PRR16: variants seen among roughly 807,000 people sequenced by gnomAD.
The protein encoded by PRR16 is proline rich 16, also known as protein Largen.
In PRR16, 6 loss-of-function variants were observed where a neutral mutation model predicts 18.2. That is an observed-to-expected ratio of 0.33 (90% CI 0.18 to 0.65). The LOEUF is 0.65. Ranked by LOEUF, PRR16 falls within the 30% of genes least tolerant of loss-of-function variation. The pLI is 0.74. For synonymous variants in PRR16, 151 were observed against 147.8 expected, an observed-to-expected ratio of 1.02 and a Z score of -0.16; for missense variants, 412 against 376.6, an observed-to-expected ratio of 1.09 and a Z score of -0.78.
At chr5:120,570,150 T>C (rs962419076) in intron 1 of PRR16, among the ~76,000 whole-genome samples, 6 of 152,042 alleles carry the variant, frequency 3.9e-5, no homozygotes, top group Non-Finnish European at 7.4e-5. Context: ...ATAAATTACA[T>C]AGAAGATAAA....
intron 1 of PRR16, among the ~76,000 whole-genome samples, chr5:120,536,849 A>T (rs1280683811): frequency 6.6e-6 from 1 of 152,250 alleles, no homozygotes; most frequent in African/African-American, 2.4e-5. Context: ...ACATCATGGA[A>T]TACTATGCAA....
chr5:120,489,101 T>C (rs1177399768), intron 1 of PRR16, among the ~76,000 whole-genome samples: 1 of 152,202 alleles, frequency 6.6e-6, no homozygotes, highest in African/African-American at 2.4e-5. Flanking sequence ...ATACGTGTGG[T>C]GTGGTGCTGA....
At chr5:120,464,701 C>A in intron 1 of PRR16, 56 bp downstream of exon 1, 1 of 1,442,860 alleles carries the variant, frequency 6.9e-7, no homozygotes, top group Non-Finnish European at 9.2e-7. Flanking sequence ...CTCCGGGGTC[C>A]CCTTTCCGAT....
intron 1 of PRR16, among the ~76,000 whole-genome samples, chr5:120,570,084 A>G (rs1349207080): frequency 6.6e-6 from 1 of 152,092 alleles, no homozygotes; most frequent in African/African-American, 2.4e-5. Flanking sequence ...CTTCATTCCC[A>G]GATTATAAGC....
At chr5:120,472,670 A>G (rs1342264146) in intron 1 of PRR16, among the ~76,000 whole-genome samples, 3 of 152,256 alleles carry the variant, frequency 2.0e-5, no homozygotes, top group Admixed American at 6.5e-5. Flanking sequence ...TCCTGGCCCT[A>G]CAAAAAGAAA....
At chr5:120,695,007 T>C in the PRR16 span, among the ~76,000 whole-genome samples, 1 of 152,196 alleles carries the variant, frequency 6.6e-6, no homozygotes, top group Non-Finnish European at 1.5e-5. Flanking sequence ...TTCAGTGAAG[T>C]GCATTTCAAA....
Position 120,488,173 on chromosome 5 carries a change from A to G in PRR16, c.159+23528A>G, listed in dbSNP as rs190363744. On this transcript the variant is annotated intron_variant, in intron 1 of 1. Transcript: ENST00000407149. ...TGATGCTGGCCTCATAAAATGAGTT[A>G]GGGAGGTTTCCCTCTTTTTCTGTTG... 5.3e-3 allele frequency among the ~76,000 whole-genome samples: 805 copies of G among 152,320 alleles called. 13 individuals are homozygous for G. The highest frequency in any genetic ancestry group is 0.018 in the African/African-American group (766 of 41,570).
chr5:120,533,927 G>A (rs542464138), intron 1 of PRR16, among the ~76,000 whole-genome samples: 1 of 152,298 alleles, frequency 6.6e-6, no homozygotes, highest in Non-Finnish European at 1.5e-5. Flanking sequence ...TGTGTTGAAA[G>A]TATAACAAGG....
intron 1 of PRR16, among the ~76,000 whole-genome samples, chr5:120,494,566 T>G (rs1750179911): frequency 6.6e-6 from 1 of 152,122 alleles, no homozygotes. Context: ...GTATCTTGTC[T>G]TTTCTCCCTC....
chr5:120,628,289 GTTATA>G (rs1288429916), intron 1 of PRR16, among the ~76,000 whole-genome samples: 7 of 151,990 alleles, frequency 4.6e-5, no homozygotes, highest in Admixed American at 4.6e-4. Flanking sequence ...CACTTTTCTA[GTTATA>G]TTTATTTATT....
chr5:120,502,191 A>G (rs147476680), intron 1 of PRR16, among the ~76,000 whole-genome samples: 2 of 151,036 alleles, frequency 1.3e-5, no homozygotes, highest in South Asian at 2.1e-4. Flanking sequence ...AAGCATAGAA[A>G]ATTTTAAATA....
the PRR16 span, among the ~76,000 whole-genome samples, chr5:120,693,218 T>G: frequency 5.9e-5 from 9 of 152,320 alleles, no homozygotes; most frequent in East Asian, 1.3e-3. Context: ...TTCTAGATCT[T>G]AAGTGCTCCT....
At chr5:120,545,194 A>G (rs1328290723) in intron 1 of PRR16, among the ~76,000 whole-genome samples, 1 of 152,114 alleles carries the variant, frequency 6.6e-6, no homozygotes, top group Admixed American at 6.6e-5. Context: ...GCTTATTCAC[A>G]TGCACAGAGC....
intron 1 of PRR16, among the ~76,000 whole-genome samples, chr5:120,646,390 G>T (rs1237884212): frequency 6.6e-6 from 1 of 151,806 alleles, no homozygotes; most frequent in Non-Finnish European, 1.5e-5. Flanking sequence ...GAATGGTTTT[G>T]GAGACTTTGT....
intron 1 of PRR16, among the ~76,000 whole-genome samples, chr5:120,494,856 A>G (rs1028804045): frequency 2.6e-5 from 4 of 152,058 alleles, no homozygotes; most frequent in African/African-American, 7.2e-5. Flanking sequence ...GCTTTCTTCC[A>G]TTGAGTTGCT....
chr5:120,727,869 A>G, the PRR16 span, among the ~76,000 whole-genome samples: 1 of 152,044 alleles, frequency 6.6e-6, no homozygotes, highest in Non-Finnish European at 1.5e-5. Context: ...TCATTAAGAA[A>G]ACTTTTAAAT....
At chr5:120,709,262 C>A in the PRR16 span, among the ~76,000 whole-genome samples, 1 of 151,956 alleles carries the variant, frequency 6.6e-6, no homozygotes, top group Non-Finnish European at 1.5e-5. Flanking sequence ...CCGCCTGGGC[C>A]TCCCAAAGTA....
intron 1 of PRR16, among the ~76,000 whole-genome samples, chr5:120,492,468 C>G (rs1040715775): frequency 3.3e-5 from 5 of 151,994 alleles, no homozygotes; most frequent in African/African-American, 1.2e-4. Context: ...ATTTTTGTAA[C>G]TATTACTGGT....
the PRR16 span, among the ~76,000 whole-genome samples, chr5:120,763,476 A>C: frequency 6.6e-6 from 1 of 152,106 alleles, no homozygotes; most frequent in African/African-American, 2.4e-5. Flanking sequence ...CATATTTTCC[A>C]AGGTAAGGTA....
Sources: allele counts gnomAD v4.1 joint callset (sites outside exome capture counted in the v4.1 genomes callset), GRCh38; gene constraint gnomAD v4.1.1; transcripts MANE v1.5; gene names NCBI Gene and HGNC (gene_info 2026-07-23, HGNC 2026-07-21).